The following ROBO2 variants were observed in gnomAD, a reference collection of about 807,000 sequenced individuals.
ROBO2 encodes roundabout homolog 2.
Under a neutral mutation model 160.8 loss-of-function variants are expected in ROBO2, and 53 were observed. The observed-to-expected ratio is 0.33, with a 90% CI of 0.26 to 0.41. The LOEUF (loss-of-function observed/expected upper bound fraction) is 0.41, where lower values mean the gene tolerates loss of function less well. Ranked by LOEUF, ROBO2 falls within the 10% of genes least tolerant of loss-of-function variation. The pLI, the probability that ROBO2 is intolerant of heterozygous loss-of-function variation, is 1.00. For missense variants in ROBO2, 1,577 were observed against 1,722.4 expected (o/e 0.92, Z 1.49); for synonymous variants, 664 against 611.7 (o/e 1.09, Z -1.26).
At chr3:76,209,523 T>A (rs1446849582) in intron 2 of ROBO2, among the ~76,000 whole-genome samples, 1 of 152,204 alleles carries the variant, frequency 6.6e-6, no homozygotes, top group African/African-American at 2.4e-5. Flanking sequence ...TAGTGGTATA[T>A]ACAAAATGTT....
intron 2 of ROBO2, among the ~76,000 whole-genome samples, chr3:77,380,937 C>CG (rs1489042156): frequency 1.3e-5 from 2 of 151,984 alleles, no homozygotes; most frequent in Non-Finnish European, 2.9e-5. Flanking sequence ...TCTCTTTCTC[C>CG]CCGTGAAACT....
chr3:76,469,392 A>G (rs2078531054), intron 2 of ROBO2, among the ~76,000 whole-genome samples: 1 of 152,102 alleles, frequency 6.6e-6, no homozygotes, highest in Admixed American at 6.6e-5. Context: ...CTAAAGCCAG[A>G]ATGATACAGT....
chr3:76,746,721 C>T (rs955874326), intron 2 of ROBO2, among the ~76,000 whole-genome samples: 4 of 152,218 alleles, frequency 2.6e-5, no homozygotes, highest in Non-Finnish European at 4.4e-5. Flanking sequence ...ACGTGTGCCA[C>T]GGTGGTTTGC....
chr3:77,002,391 T>C (rs944354591), intron 2 of ROBO2, among the ~76,000 whole-genome samples: 2 of 151,424 alleles, frequency 1.3e-5, no homozygotes, highest in Non-Finnish European at 2.9e-5. Context: ...GTGACTTATA[T>C]TGATAATACA....
At chr3:77,043,574 G>A (rs1028787378) in intron 1 of ROBO2, among the ~76,000 whole-genome samples, 3 of 152,056 alleles carry the variant, frequency 2.0e-5, no homozygotes, top group Non-Finnish European at 2.9e-5. Flanking sequence ...TGTAAATAAT[G>A]GTTTTCTTAT....
chr3:76,754,744 A>C, intron 2 of ROBO2, among the ~76,000 whole-genome samples: 1 of 151,868 alleles, frequency 6.6e-6, no homozygotes, highest in Non-Finnish European at 1.5e-5. Context: ...GAGATAGCTG[A>C]ATTTGAGACT....
chr3:77,556,077 G>C (rs57404793), intron 8 of ROBO2, among the ~76,000 whole-genome samples: 4 of 36,822 alleles, frequency 1.1e-4, no homozygotes, highest in African/African-American at 2.9e-4. Context: ...ATTTAATTTG[G>C]AAAAAAAATC....
At chr3:77,235,295 G>C (rs1434518968) in intron 2 of ROBO2, among the ~76,000 whole-genome samples, 2 of 151,874 alleles carry the variant, frequency 1.3e-5, no homozygotes, top group Admixed American at 6.6e-5. Context: ...ATTGCTGCCT[G>C]ACCTGCAAGA....
chr3:76,860,904 CGT>C (rs1170076378), intron 2 of ROBO2, among the ~76,000 whole-genome samples: 1 of 151,806 alleles, frequency 6.6e-6, no homozygotes, highest in East Asian at 1.9e-4. Flanking sequence ...AGTGTGTGTG[CGT>C]GTGTGTGTAT....
At chr3:77,334,644 A>G (rs1262044721) in intron 2 of ROBO2, among the ~76,000 whole-genome samples, 1 of 152,240 alleles carries the variant, frequency 6.6e-6, no homozygotes. Flanking sequence ...TGGCAGGAGC[A>G]GAGGCAATAG....
chr3:76,957,614 C>T (rs1183089993), intron 2 of ROBO2, among the ~76,000 whole-genome samples: 2 of 152,054 alleles, frequency 1.3e-5, no homozygotes, highest in South Asian at 2.1e-4. Context: ...GAGCAGATCA[C>T]GAGGTCAGGA....
At chr3:77,476,879 C>T (rs1418214583) in intron 2 of ROBO2, among the ~76,000 whole-genome samples, 1 of 152,060 alleles carries the variant, frequency 6.6e-6, no homozygotes, top group Non-Finnish European at 1.5e-5. Context: ...TGCTAGTGTG[C>T]TGCAAGGGTG....
In ROBO2 at chr3:76,049,510, C is replaced by T. The variant is rs116928921; in HGVS notation, c.109+111908C>T. On this transcript the variant is annotated intron_variant, in intron 2 of 26. Coordinates refer to the ROBO2 transcript ENST00000487694. Reference sequence around the variant, plus strand: ...CCGTCTCCCTCAGTCTCCCAAAGTGCTGGGATTACAGGCGAGAGCCGTGGA... The same window carrying T: ...CCGTCTCCCTCAGTCTCCCAAAGTGTTGGGATTACAGGCGAGAGCCGTGGA... Among the ~76,000 whole-genome samples, 1,009 of 148,246 alleles carry T rather than the reference C, an allele frequency of 6.8e-3. 53 individuals are homozygous for T. In the East Asian group the frequency reaches 0.15, roughly 22 times the overall value.
At chr3:76,493,680 G>A (rs928131997) in intron 2 of ROBO2, among the ~76,000 whole-genome samples, 2 of 151,448 alleles carry the variant, frequency 1.3e-5, no homozygotes, top group African/African-American at 4.9e-5. Context: ...ATTTACTATC[G>A]ATTTCCGTTC....
chr3:76,816,718 G>A (rs1375488507), intron 2 of ROBO2, among the ~76,000 whole-genome samples: 1 of 151,818 alleles, frequency 6.6e-6, no homozygotes, highest in Non-Finnish European at 1.5e-5. Flanking sequence ...TCCCATTACT[G>A]GTTATATACA....
At chr3:76,757,560 T>G (rs1480794000) in intron 2 of ROBO2, among the ~76,000 whole-genome samples, 1 of 151,582 alleles carries the variant, frequency 6.6e-6, no homozygotes, top group Non-Finnish European at 1.5e-5. Flanking sequence ...GAATAATCAA[T>G]TTTGATCTTA....
chr3:76,322,832 T>C (rs75664345), intron 2 of ROBO2, among the ~76,000 whole-genome samples: 1 of 152,158 alleles, frequency 6.6e-6, no homozygotes, highest in East Asian at 1.9e-4. Flanking sequence ...ATCCATATCT[T>C]GCAGATACAT....
chr3:76,716,240 T>C (rs971664628), intron 2 of ROBO2, among the ~76,000 whole-genome samples: 3 of 152,206 alleles, frequency 2.0e-5, no homozygotes, highest in Admixed American at 6.5e-5. Context: ...CAACTTTCCA[T>C]AGATACTGTT....
intron 2 of ROBO2, among the ~76,000 whole-genome samples, chr3:77,109,122 A>G (rs907753192): frequency 6.6e-6 from 1 of 152,226 alleles, no homozygotes; most frequent in African/African-American, 2.4e-5. Context: ...AGAAATTTAA[A>G]AAACGCATCT....
Sources: gnomAD v4.1 joint callset for allele counts (sites outside exome capture counted in the v4.1 genomes callset) on GRCh38, gnomAD v4.1.1 for gene constraint, MANE v1.5 for transcripts, NCBI Gene and HGNC (gene_info 2026-07-23, HGNC 2026-07-21) for gene names.